PLCXD3: variants seen among roughly 807,000 people sequenced by gnomAD.
The protein encoded by PLCXD3 is phosphatidylinositol specific phospholipase C X domain containing 3, also known as PI-PLC X domain-containing protein 3.
Under a neutral mutation model 25.5 loss-of-function variants are expected in PLCXD3, and 19 were observed. That is an observed-to-expected ratio of 0.75 (90% CI 0.52 to 1.09). The LOEUF (loss-of-function observed/expected upper bound fraction) is 1.09, where lower values mean the gene tolerates loss of function less well. PLCXD3 is among the 50% of genes least tolerant of loss of function. The probability of loss-of-function intolerance (pLI) is 0.00; values close to 1 mark genes in which losing one functional copy is unlikely to be tolerated. For missense variants in PLCXD3, 411 were observed against 388.1 expected, an observed-to-expected ratio of 1.06 and a Z score of -0.50; for synonymous variants, 174 against 137.6, an observed-to-expected ratio of 1.26 and a Z score of -1.85.
At chr5:41,356,618 GC>G (rs975919956) in intron 2 of PLCXD3, among the ~76,000 whole-genome samples, 6 of 152,042 alleles carry the variant, frequency 3.9e-5, no homozygotes, top group Non-Finnish European at 8.8e-5. Flanking sequence ...AATGAAAACG[GC>G]CCCTTATTTT....
intron 1 of PLCXD3, among the ~76,000 whole-genome samples, chr5:41,468,868 T>G (rs921741080): frequency 6.6e-6 from 1 of 152,206 alleles, no homozygotes. Flanking sequence ...ATGACTTTTA[T>G]TTCTTTCTTT....
At chr5:41,375,943 C>T (rs1745281503) in intron 2 of PLCXD3, among the ~76,000 whole-genome samples, 1 of 152,098 alleles carries the variant, frequency 6.6e-6, no homozygotes, top group Non-Finnish European at 1.5e-5. Flanking sequence ...GCCTCAATTT[C>T]CACCTCTAAT....
intron 1 of PLCXD3, among the ~76,000 whole-genome samples, chr5:41,480,943 A>G (rs1022626179): frequency 6.6e-6 from 1 of 152,048 alleles, no homozygotes; most frequent in African/African-American, 2.4e-5. Flanking sequence ...ACAAAGTTAT[A>G]GCATAGTGGA....
Position 41,450,915 on chromosome 5 carries a change from A to G in PLCXD3, c.103+59509T>C, listed in dbSNP as rs80093164. On this transcript the variant is annotated intron_variant, in intron 1 of 2. Transcript: ENST00000377801. ...ATGGGAATAATGGAAGCAGAAAAAAAGGAGGAAGAGGAATAGGAGGCTGAT... is the reference window on the plus strand; with the variant it reads ...ATGGGAATAATGGAAGCAGAAAAAAGGGAGGAAGAGGAATAGGAGGCTGAT... 6.7e-3 allele frequency among the ~76,000 whole-genome samples: 1,017 copies of G among 152,210 alleles called. 13 individuals are homozygous for G. Among genetic ancestry groups the G allele is most frequent in the African/African-American group, 0.022 (898 of 41,562 alleles).
chr5:41,465,888 T>C (rs1748008001), intron 1 of PLCXD3, among the ~76,000 whole-genome samples: 1 of 152,154 alleles, frequency 6.6e-6, no homozygotes, highest in African/African-American at 2.4e-5. Context: ...TAATCTGCTA[T>C]GAAATTAAAT....
At chr5:41,325,941 A>G (rs1055044143) in intron 2 of PLCXD3, among the ~76,000 whole-genome samples, 2 of 152,178 alleles carry the variant, frequency 1.3e-5, no homozygotes, top group Admixed American at 6.5e-5. Context: ...GTGTCTTCAC[A>G]TGGTGGAAGG....
At chr5:41,331,552 A>G (rs923862063) in intron 2 of PLCXD3, among the ~76,000 whole-genome samples, 1 of 152,218 alleles carries the variant, frequency 6.6e-6, no homozygotes, top group Non-Finnish European at 1.5e-5. Context: ...CATCCCCATC[A>G]AGCTACCAAT....
chr5:41,450,673 T>A (rs943137383), intron 1 of PLCXD3, among the ~76,000 whole-genome samples: 1 of 152,104 alleles, frequency 6.6e-6, no homozygotes, highest in African/African-American at 2.4e-5. Context: ...TAAGACTGTC[T>A]GTGGAAGTTT....
At chr5:41,375,247 G>A (rs1225645782) in intron 2 of PLCXD3, among the ~76,000 whole-genome samples, 3 of 152,074 alleles carry the variant, frequency 2.0e-5, no homozygotes, top group African/African-American at 2.4e-5. Flanking sequence ...GGCTTTACCC[G>A]CTATCCTATC....
chr5:41,506,185 G>T (rs537885599), intron 1 of PLCXD3, among the ~76,000 whole-genome samples: 1 of 152,292 alleles, frequency 6.6e-6, no homozygotes, highest in East Asian at 1.9e-4. Context: ...GGCCTTAGAA[G>T]ATTATTGTTA....
At chr5:41,489,709 G>C (rs1465454053) in intron 1 of PLCXD3, among the ~76,000 whole-genome samples, 1 of 152,100 alleles carries the variant, frequency 6.6e-6, no homozygotes, top group East Asian at 1.9e-4. Context: ...GTGAATGGGA[G>C]TTCACTCATG....
intron 2 of PLCXD3, among the ~76,000 whole-genome samples, chr5:41,374,427 G>T (rs894479912): frequency 5.9e-5 from 9 of 152,022 alleles, no homozygotes; most frequent in African/African-American, 1.9e-4. Context: ...AATTGGTCCC[G>T]GCACTGGCTT....
At chr5:41,499,679 C>A (rs1391757642) in intron 1 of PLCXD3, among the ~76,000 whole-genome samples, 1 of 151,542 alleles carries the variant, frequency 6.6e-6, no homozygotes, top group Non-Finnish European at 1.5e-5. Context: ...CTCCAAAAAC[C>A]CTCATAATTT....
At chr5:41,420,849 C>T (rs979121897) in intron 1 of PLCXD3, among the ~76,000 whole-genome samples, 1 of 152,322 alleles carries the variant, frequency 6.6e-6, no homozygotes, top group Admixed American at 6.5e-5. Flanking sequence ...GCCGTCACTA[C>T]GCTAATTCTG....
At chr5:41,318,971 T>C (rs767396769) in intron 2 of PLCXD3, among the ~76,000 whole-genome samples, 1 of 152,184 alleles carries the variant, frequency 6.6e-6, no homozygotes, top group African/African-American at 2.4e-5. Flanking sequence ...GCTATACTTA[T>C]ATCAGACAAA....
At position 41,372,296 on chromosome 5, in the gene PLCXD3, TCTCACACACACACA is replaced by T. The variant is rs1297430411; in HGVS notation, c.812+9516_812+9529del. On this transcript the variant is annotated intron_variant, in intron 2 of 2. Transcript: ENST00000377801. ...TATTCATTCTCTCTCTCTCTCTCTCTCTCACACACACACACACACACACACACACACACACACAC... is the reference window on the plus strand; with the variant it reads ...TATTCATTCTCTCTCTCTCTCTCTCTCACACACACACACACACACACACAC... Among the ~76,000 whole-genome samples, 94 of 132,832 alleles carry T rather than the reference TCTCACACACACACA, an allele frequency of 7.1e-4. 1 individual carries two copies. In the East Asian group the frequency reaches 0.016, roughly 22 times the overall value. 87.1% of individuals were successfully genotyped at this position (132,832 alleles called of 152,430 possible). A position where few individuals can be genotyped will look rare whatever the true frequency, so the allele number is the denominator to read the frequency against.
intron 2 of PLCXD3, among the ~76,000 whole-genome samples, chr5:41,350,097 C>T (rs2150480664): frequency 6.6e-6 from 1 of 152,152 alleles, no homozygotes; most frequent in East Asian, 1.9e-4. Flanking sequence ...TTTTCACTGT[C>T]TCCTGCATCA....
chr5:41,336,582 G>A (rs1398910034), intron 2 of PLCXD3, among the ~76,000 whole-genome samples: 2 of 152,132 alleles, frequency 1.3e-5, no homozygotes, highest in African/African-American at 4.8e-5. Context: ...CCTTCCAGAT[G>A]GAGAGTGCTC....
At position 41,502,009 on chromosome 5, in the gene PLCXD3, AT is replaced by A. The variant is rs925942720; in HGVS notation, c.103+8414del. Among the ~76,000 whole-genome samples the A allele has an allele frequency of 5.9e-5, 9 of 151,600 alleles. No individual in the cohort carries two copies. In the South Asian group the frequency reaches 6.3e-4, roughly 11 times the overall value. On this transcript the variant is annotated intron_variant, in intron 1 of 2. Transcript: ENST00000377801. ...GATTGAGAGGCAGGTGTGGTAACAA[AT>A]TTTTTTTTGCAAGGAGCATTATTAC...
Sources: gnomAD v4.1 joint callset for allele counts (sites outside exome capture counted in the v4.1 genomes callset) on GRCh38, gnomAD v4.1.1 for gene constraint, MANE v1.5 for transcripts, NCBI Gene and HGNC (gene_info 2026-07-23, HGNC 2026-07-21) for gene names.